Variants in PCSK6 observed in about 807,000 individuals in gnomAD.
PCSK6 encodes the protein proprotein convertase subtilisin/kexin type 6, also known as paired basic amino acid cleaving enzyme 4.
In PCSK6, 85 loss-of-function variants were observed where a neutral mutation model predicts 123.3. The observed-to-expected ratio is 0.69, with a 90% CI of 0.58 to 0.83. The LOEUF (loss-of-function observed/expected upper bound fraction) is 0.83, where lower values mean the gene tolerates loss of function less well. Among genes scored for constraint, PCSK6 ranks in the 40% least tolerant of loss-of-function variants. PCSK6 has a pLI of 0.00. For missense variants in PCSK6, 1,191 were observed against 1,282.3 expected (o/e 0.93, Z 1.09); for synonymous variants, 508 against 516.0 (o/e 0.98, Z 0.21).
chr15:101,333,854 C>T (rs2040419299), intron 13 of PCSK6, among the ~76,000 whole-genome samples: 2 of 152,216 alleles, frequency 1.3e-5, no homozygotes, highest in Admixed American at 1.3e-4. Flanking sequence ...TTCGAAATGG[C>T]ATTCGACACT....
At position 101,449,539 on chromosome 15, in the gene PCSK6, C is replaced by T. The variant is rs143070655; in HGVS notation, c.298-5879G>A. Reference sequence around the variant, plus strand: ...CTTGGTTTTCCCACAGTTCTCACATCCGAGTGAGCCTCCTGGGGCCACTGC... The same window carrying T: ...CTTGGTTTTCCCACAGTTCTCACATTCGAGTGAGCCTCCTGGGGCCACTGC... On this transcript the variant is annotated intron_variant, in intron 1 of 21. Coordinates refer to ENST00000611716, the MANE Select transcript of PCSK6 (RefSeq NM_002570.5). Among the ~76,000 whole-genome samples the T allele has an allele frequency of 1.3e-3, 198 of 152,310 alleles. 9 individuals are homozygous for T. In the East Asian group the frequency reaches 0.03, roughly 23 times the overall value.
intron 5 of PCSK6, 79 bp downstream of exon 5, chr15:101,429,908 A>G: frequency 1.6e-6 from 2 of 1,266,072 alleles, no homozygotes; most frequent in Non-Finnish European, 2.3e-6. Flanking sequence ...CCGCCTCTCC[A>G]GCTCCCTCGC....
intron 3 of PCSK6, among the ~76,000 whole-genome samples, chr15:101,431,681 C>G (rs2056451930): frequency 6.6e-6 from 1 of 152,210 alleles, no homozygotes; most frequent in Non-Finnish European, 1.5e-5. Context: ...CTATATTTTC[C>G]CAGGGCATCG....
chr15:101,463,040 T>C (rs922515442), intron 1 of PCSK6: 5 of 461,752 alleles, frequency 1.1e-5, no homozygotes, highest in African/African-American at 2.0e-5. Context: ...TGGGTGAGAG[T>C]TCGCTGCCAA....
intron 6 of PCSK6, among the ~76,000 whole-genome samples, chr15:101,401,175 G>A (rs778360876): frequency 6.6e-6 from 1 of 152,224 alleles, no homozygotes; most frequent in Admixed American, 6.5e-5. Flanking sequence ...GCAAGGTTGA[G>A]GCATAGGAGA....
intron 1 of PCSK6, among the ~76,000 whole-genome samples, chr15:101,485,818 CATTT>C (rs2058006712): frequency 6.6e-6 from 1 of 152,098 alleles, no homozygotes; most frequent in South Asian, 2.1e-4. Context: ...TTTTATAATT[CATTT>C]GTGTGATTTC....
Position 101,403,108 on chromosome 15 carries a change from C to T in PCSK6, c.824-4532G>A, listed in dbSNP as rs2042644133. On this transcript the variant is annotated intron_variant, in intron 6 of 21. Transcript: ENST00000611716. ...ATGCAGCCATAAAAAATGATGAGTT[C>T]ATGTCCTTTGTAGGGACATGGATGA... Among the ~76,000 whole-genome samples, 3 of 152,050 alleles carry T rather than the reference C, an allele frequency of 2.0e-5. 1 individual carries two copies. In the South Asian group the frequency reaches 6.2e-4, roughly 32 times the overall value.
intron 1 of PCSK6, among the ~76,000 whole-genome samples, chr15:101,468,716 C>A (rs1168655850): frequency 6.6e-6 from 1 of 152,164 alleles, no homozygotes; most frequent in Non-Finnish European, 1.5e-5. Flanking sequence ...TGATGCTGGG[C>A]CAGTGGTCAC....
chr15:101,372,584 C>T (rs1268228133), intron 11 of PCSK6, among the ~76,000 whole-genome samples: 1 of 152,174 alleles, frequency 6.6e-6, no homozygotes, highest in Non-Finnish European at 1.5e-5. Flanking sequence ...GTTCCAGGAC[C>T]TGCAGGGCCC....
chr15:101,484,649 C>T (rs2057975892), intron 1 of PCSK6, among the ~76,000 whole-genome samples: 1 of 152,220 alleles, frequency 6.6e-6, no homozygotes, highest in Non-Finnish European at 1.5e-5. Flanking sequence ...CCTCTGCCTC[C>T]CAAAGTGCTG....
Position 101,370,345 on chromosome 15 carries a change from G to A in PCSK6, c.1711C>T (p.Leu571=), listed in dbSNP as rs20543. The A allele has an allele frequency of 0.39, 596,676 of 1,541,340 alleles. 120,156 individuals carry two copies. The highest frequency in any genetic ancestry group is 0.7 in the East Asian group (28,608 of 40,956). ...VSPSGTKSQL[L]AKRLLDLSNE... The stretch of plus-strand genomic sequence containing the variant: ...CCTGCCTCGCCTTACCTCTTTGCCA[G>A]AAGTTGAGACTTGGTTCCCGAGGGA... Residue 571 remains leucine, a synonymous_variant, in exon 12 of 22, where the codon CTG becomes TTG. Transcript: ENST00000611716.
intron 1 of PCSK6, among the ~76,000 whole-genome samples, chr15:101,443,916 G>A (rs553523925): frequency 1.6e-4 from 25 of 152,228 alleles, no homozygotes; most frequent in Non-Finnish European, 2.9e-4. Flanking sequence ...CACATCTCAC[G>A]GTAAATTAAC....
chr15:101,480,298 C>G (rs546098075), intron 1 of PCSK6, among the ~76,000 whole-genome samples: 5 of 152,248 alleles, frequency 3.3e-5, no homozygotes, highest in African/African-American at 1.2e-4. Flanking sequence ...TCTTCCCAGC[C>G]CAATTCAGTA....
chr15:101,424,760 T>C (rs1410769254), intron 6 of PCSK6, among the ~76,000 whole-genome samples: 1 of 152,226 alleles, frequency 6.6e-6, no homozygotes, highest in Non-Finnish European at 1.5e-5. Flanking sequence ...TGATGGTGAA[T>C]GGAAACAATC....
intron 1 of PCSK6, among the ~76,000 whole-genome samples, chr15:101,447,455 G>A (rs1054136599): frequency 6.6e-6 from 1 of 152,238 alleles, no homozygotes; most frequent in African/African-American, 2.4e-5. Context: ...GTCACACTGT[G>A]GGGCTCCCAG....
intron 18 of PCSK6, among the ~76,000 whole-genome samples, chr15:101,321,337 C>G (rs1419357380): frequency 6.6e-6 from 1 of 152,180 alleles, no homozygotes; most frequent in South Asian, 2.1e-4. Context: ...CTTTGCCTTC[C>G]CTCTCCTGGA....
Position 101,318,410 on chromosome 15 carries a change from G to A in PCSK6, c.2478C>T (p.Gly826=). Residue 826 remains glycine, a synonymous_variant, in exon 19 of 22, where the codon GGC becomes GGT. Coordinates refer to ENST00000611716, the MANE Select transcript of PCSK6 (RefSeq NM_002570.5). ...CTGGCTCACAGTCAGGAATGCAGCTGCCCCGTGCAAGGCTGTTGAAAAGAA... is the reference window on the plus strand; with the variant it reads ...CTGGCTCACAGTCAGGAATGCAGCTACCCCGTGCAAGGCTGTTGAAAAGAA... ...VCKEGFSLAR[G]SCIPDCEPGT... 1 of 1,558,818 alleles carries A rather than the reference G, an allele frequency of 6.4e-7. No individual in the cohort carries two copies. Among genetic ancestry groups the A allele is most frequent in the Non-Finnish European group, 8.7e-7 (1 of 1,151,158 alleles).
At position 101,363,699 on chromosome 15, in the gene PCSK6, G is replaced by A. The variant is rs141582959; in HGVS notation, c.1858+2497C>T. Reference sequence around the variant, plus strand: ...GGCTGGAGTGCAGTGGTGCGATCTCGGCTCACTGTAAGCTCCGCCTCCCGG... The same window carrying A: ...GGCTGGAGTGCAGTGGTGCGATCTCAGCTCACTGTAAGCTCCGCCTCCCGG... On this transcript the variant is annotated intron_variant, in intron 13 of 21. Transcript: ENST00000611716. 3.9e-3 allele frequency among the ~76,000 whole-genome samples: 597 copies of A among 151,364 alleles called. 3 individuals are homozygous for A. The highest frequency in any genetic ancestry group is 0.014 in the African/African-American group (572 of 41,146).
At chr15:101,313,353 G>C in intron 20 of PCSK6, 23 bp downstream of exon 20, 1 of 1,612,620 alleles carries the variant, frequency 6.2e-7, no homozygotes, top group Middle Eastern at 1.7e-4. Context: ...GCTGCCTGCC[G>C]TTCCCCGCCA....
Sources: allele counts gnomAD v4.1 joint callset (sites outside exome capture counted in the v4.1 genomes callset), GRCh38; gene constraint gnomAD v4.1.1; transcripts MANE v1.5; gene names NCBI Gene and HGNC (gene_info 2026-07-23, HGNC 2026-07-21).